INPP1: variants seen among roughly 807,000 people sequenced by gnomAD.
The protein encoded by INPP1 is inositol polyphosphate-1-phosphatase.
A neutral mutation model predicts 23.0 loss-of-function variants in INPP1; 18 were observed. The ratio of observed to expected loss-of-function variants is 0.78; its 90% CI spans 0.54 to 1.16. The LOEUF is 1.16. INPP1 is among the 50% of genes most tolerant of loss of function. INPP1 has a pLI of 0.00. For synonymous variants in INPP1, 164 were observed against 176.3 expected (o/e 0.93, Z 0.55); for missense variants, 448 against 482.1 (o/e 0.93, Z 0.66).
chr2:190,362,920 A>T, intron 4 of INPP1: 3 of 323,718 alleles, frequency 9.3e-6, no homozygotes, highest in Non-Finnish European at 1.7e-5. Flanking sequence ...TTTAGATATA[A>T]ATCTGTGGCA....
chr2:190,347,047 T>C (rs1353025847), intron 1 of INPP1, among the ~76,000 whole-genome samples: 1 of 144,938 alleles, frequency 6.9e-6, no homozygotes, highest in Non-Finnish European at 1.5e-5. Context: ...AGCCTCACTC[T>C]GTTGCCCAGG....
At chr2:190,370,699 G>C in intron 6 of INPP1, 145 bp from the exon 7 acceptor site, 2 of 670,944 alleles carry the variant, frequency 3.0e-6, no homozygotes, top group Non-Finnish European at 5.1e-6. Flanking sequence ...CTAGCTACCT[G>C]ATATCTATTC....
intron 4 of INPP1, among the ~76,000 whole-genome samples, chr2:190,364,606 T>TTTTTTTTTTTGTTTTG (rs796196740): frequency 1.0e-5 from 1 of 96,374 alleles, no homozygotes; most frequent in East Asian, 4.0e-4. Flanking sequence ...TTTTTTTTTT[T>TTTTTTTTTTTGTTTTG]GTTAGATGGA....
rs1466948282 is a variant in INPP1, at chr2:190,367,235, G to A, written c.466+340G>A. Reference sequence around the variant, plus strand: ...AAGTAAATGAGAGAATGAAGTGAGAGCAGTTATGACCAATTGAGCACACAT... The same window carrying A: ...AAGTAAATGAGAGAATGAAGTGAGAACAGTTATGACCAATTGAGCACACAT... On this transcript the variant is annotated intron_variant, in intron 5 of 6. Transcript: ENST00000392329. The surrounding 1 kb of genome is among the most constrained non-coding windows in gnomAD (Gnocchi z 4.1). Among the ~76,000 whole-genome samples the A allele has an allele frequency of 6.6e-6, 1 of 152,086 alleles. No individual in the cohort carries two copies. Among genetic ancestry groups the A allele is most frequent in the Non-Finnish European group, 1.5e-5 (1 of 68,036 alleles).
chr2:190,355,484 A>G lies in INPP1; in HGVS notation c.-64-4555A>G, dbSNP rs1689404381. On this transcript the variant is annotated intron_variant, in intron 2 of 6. Transcript: ENST00000392329. This position sits in a 1 kb window ranked among gnomAD's most constrained non-coding sequence, Gnocchi z 5.1. ...AGCTATTAAATCTGTGTTTAGAGTT[A>G]TACAGGTTGCTGACAAAAATACAGA... Among the ~76,000 whole-genome samples the G allele has an allele frequency of 6.6e-6, 1 of 152,232 alleles. No homozygotes were observed. Among genetic ancestry groups the G allele is most frequent in the South Asian group, 2.1e-4 (1 of 4,836 alleles).
intron 1 of INPP1, among the ~76,000 whole-genome samples, chr2:190,347,862 G>T (rs922635318): frequency 2.0e-5 from 3 of 152,202 alleles, no homozygotes; most frequent in Admixed American, 2.0e-4. Context: ...TGGAGGCTGG[G>T]CATGGTGGCT....
chr2:190,369,438 T>C (rs1689756086), intron 6 of INPP1, among the ~76,000 whole-genome samples, 161 bp downstream of exon 6: 1 of 152,256 alleles, frequency 6.6e-6, no homozygotes, highest in South Asian at 2.1e-4. Flanking sequence ...ATTTTCAATC[T>C]TGGATTTGCG....
At chr2:190,351,226 C>T (rs138887473) in intron 2 of INPP1, among the ~76,000 whole-genome samples, 2,091 of 152,344 alleles carry the variant, frequency 0.014, 33 homozygotes, top group Middle Eastern at 0.024. Context: ...CATCTCCATT[C>T]CCCCATGGCC....
rs182310329 is a variant in INPP1, at chr2:190,350,280, C to T, written c.-65+1249C>T. On this transcript the variant is annotated intron_variant, in intron 2 of 6. Coordinates refer to ENST00000392329, the MANE Select transcript of INPP1 (RefSeq NM_001128928.2). ...ACTATGTAGATCAACTATTTTTTTC[C>T]GAGCATTTAATTTACTTTACAAAAA... Among the ~76,000 whole-genome samples, 367 of 152,112 alleles carry T rather than the reference C, an allele frequency of 2.4e-3. 10 individuals are homozygous for T. The highest frequency in any genetic ancestry group is 7.7e-4 in the East Asian group (4 of 5,186).
chr2:190,354,271 T>C lies in INPP1; in HGVS notation c.-65+5240T>C, dbSNP rs1689376299. On this transcript the variant is annotated intron_variant, in intron 2 of 6. Transcript: ENST00000392329. The surrounding 1 kb of genome is among the most constrained non-coding windows in gnomAD (Gnocchi z 4.8). ...GAAAACACTATCCCATTTTCACTTT[T>C]GGCCAGAAAACAAAAGACAAAGGAA... 1.3e-5 allele frequency among the ~76,000 whole-genome samples: 2 copies of C among 152,232 alleles called. No homozygotes were observed. The highest frequency in any genetic ancestry group is 2.4e-5 in the African/African-American group (1 of 41,448).
At chr2:190,360,340 T>G in intron 3 of INPP1, 34 bp downstream of exon 3, 1 of 1,587,112 alleles carries the variant, frequency 6.3e-7, no homozygotes, top group Non-Finnish European at 8.6e-7. Flanking sequence ...AACTGCAAAA[T>G]AGTTGCATCT....
At chr2:190,349,770 C>G (rs1455571521) in intron 2 of INPP1, among the ~76,000 whole-genome samples, 1 of 152,136 alleles carries the variant, frequency 6.6e-6, no homozygotes, top group Non-Finnish European at 1.5e-5. Flanking sequence ...AACAAAGTTT[C>G]TCTTTAGTGA....
At chr2:190,350,107 A>C (rs1283801480) in intron 2 of INPP1, among the ~76,000 whole-genome samples, 1 of 152,218 alleles carries the variant, frequency 6.6e-6, no homozygotes. Context: ...AGCCTCCCAA[A>C]GTCCTGGGAT....
chr2:190,359,194 G>A (rs1309716940), intron 2 of INPP1, among the ~76,000 whole-genome samples: 2 of 152,194 alleles, frequency 1.3e-5, no homozygotes, highest in Non-Finnish European at 2.9e-5. Context: ...CAGCTACTCA[G>A]GAGGCTGAGG....
rs906958201 is a variant in INPP1 at position 190,368,885 on chromosome 2, T to C, written c.467-218T>C. 4.3e-5 allele frequency: 16 copies of C among 372,026 alleles called. No individual in the cohort carries two copies. The highest frequency in any genetic ancestry group is 6.3e-5 in the Non-Finnish European group (13 of 207,034). 23.0% of individuals were successfully genotyped at this position (372,026 alleles called of 1,614,324 possible). On this transcript the variant is annotated intron_variant, in intron 5 of 6. Coordinates refer to ENST00000392329, the MANE Select transcript of INPP1 (RefSeq NM_001128928.2). The surrounding 1 kb of genome is among the most constrained non-coding windows in gnomAD (Gnocchi z 4.3). ...ACAAATTGCTATGCCACAGGAACTA[T>C]AGACACATCCTCTCCCTTCAAGAGT...
rs889131679 is a variant in INPP1 at position 190,367,679 on chromosome 2, G to A, written c.466+784G>A. ...CAATCCTCCTATCTCAGCTTCCCAA[G>A]TAGCTGGGACCCAAGTAGGTGGCAG... On this transcript the variant is annotated intron_variant, in intron 5 of 6. Transcript: ENST00000392329. This position sits in a 1 kb window ranked among gnomAD's most constrained non-coding sequence, Gnocchi z 4.1. Among the ~76,000 whole-genome samples the A allele has an allele frequency of 6.6e-6, 1 of 152,144 alleles. No homozygotes were observed. Among genetic ancestry groups the A allele is most frequent in the Non-Finnish European group, 1.5e-5 (1 of 68,026 alleles).
chr2:190,345,363 A>C lies in INPP1; in HGVS notation c.-209+1402A>C, dbSNP rs974728685. On this transcript the variant is annotated intron_variant, in intron 1 of 6. Coordinates refer to ENST00000392329, the MANE Select transcript of INPP1 (RefSeq NM_001128928.2). This position sits in a 1 kb window ranked among gnomAD's most constrained non-coding sequence, Gnocchi z 4.9. Reference sequence around the variant, plus strand: ...ATAGCTTTCCTTGTTATAGTCCTGAAAAAAATGAAAAGATAATTTCTTGTT... The same window carrying C: ...ATAGCTTTCCTTGTTATAGTCCTGACAAAAATGAAAAGATAATTTCTTGTT... 1 of 152,236 alleles carries C rather than the reference A, an allele frequency of 6.6e-6. No individual in the cohort carries two copies. Among genetic ancestry groups the C allele is most frequent in the Non-Finnish European group, 1.5e-5 (1 of 68,038 alleles). 9.4% of individuals were successfully genotyped at this position (152,236 alleles called of 1,614,324 possible).
At chr2:190,358,014 T>C (rs1340548269) in intron 2 of INPP1, among the ~76,000 whole-genome samples, 2 of 152,204 alleles carry the variant, frequency 1.3e-5, no homozygotes, top group South Asian at 2.1e-4. Flanking sequence ...CTTACTCCCA[T>C]TGCATCTATG....
intron 2 of INPP1, among the ~76,000 whole-genome samples, chr2:190,359,298 T>C (rs975110467): frequency 6.6e-6 from 1 of 151,988 alleles, no homozygotes; most frequent in African/African-American, 2.4e-5. Flanking sequence ...AGACCCTGTC[T>C]CAAAAACAAA....
Sources: gnomAD v4.1 joint callset for allele counts (sites outside exome capture counted in the v4.1 genomes callset) on GRCh38, gnomAD v4.1.1 for gene constraint, Gnocchi (gnomAD v3.1) non-coding constraint, MANE v1.5 for transcripts, NCBI Gene and HGNC (gene_info 2026-07-23, HGNC 2026-07-21) for gene names.